Variants in UBIAD1 observed in about 807,000 individuals in gnomAD.
The protein encoded by UBIAD1 is ubiA prenyltransferase domain-containing protein 1.
In UBIAD1, 12 loss-of-function variants were observed where a neutral mutation model predicts 20.1. That is an observed-to-expected ratio of 0.60 (90% CI 0.38 to 0.97). The LOEUF is 0.97. Ranked by LOEUF, UBIAD1 falls within the 50% of genes least tolerant of loss-of-function variation. The pLI is 0.00. For missense variants in UBIAD1, 333 were observed against 419.5 expected, an observed-to-expected ratio of 0.79 and a Z score of 1.80; for synonymous variants, 207 against 189.2, an observed-to-expected ratio of 1.09 and a Z score of -0.77.
At chr1:11,277,597 T>C (rs1216655230) in intron 1 of UBIAD1, among the ~76,000 whole-genome samples, 1 of 151,990 alleles carries the variant, frequency 6.6e-6, no homozygotes, top group African/African-American at 2.4e-5. Context: ...TTTTAAACAA[T>C]TTCAACTGCA....
At position 11,285,312 on chromosome 1, in the gene UBIAD1, A is replaced by C. The variant is rs901961725; in HGVS notation, c.530-332A>C. On this transcript the variant is annotated intron_variant, in intron 1 of 1. Coordinates refer to ENST00000376810, the MANE Select transcript of UBIAD1 (RefSeq NM_013319.3). This position sits in a 1 kb window ranked among gnomAD's most constrained non-coding sequence, Gnocchi z 4.4. Reference sequence around the variant, plus strand: ...AAGAACTGGATTCTAAGACCTTTAGATCCTTCCTGGGCTCTCCCATTGAAC... The same window carrying C: ...AAGAACTGGATTCTAAGACCTTTAGCTCCTTCCTGGGCTCTCCCATTGAAC... 1.3e-4 allele frequency among the ~76,000 whole-genome samples: 20 copies of C among 152,250 alleles called. No individual in the cohort carries two copies. Among genetic ancestry groups the C allele is most frequent in the African/African-American group, 4.8e-4 (20 of 41,548 alleles).
At chr1:11,281,572 A>G (rs975493681) in intron 1 of UBIAD1, among the ~76,000 whole-genome samples, 9 of 152,352 alleles carry the variant, frequency 5.9e-5, no homozygotes, top group Non-Finnish European at 1.0e-4. Flanking sequence ...ATTGACATAT[A>G]ATTGACACAC....
At position 11,286,589 on chromosome 1, in the gene UBIAD1, C is replaced by T. The variant is rs1272286197; in HGVS notation, c.*458C>T. 1 of 240,748 alleles carries T rather than the reference C, an allele frequency of 4.2e-6. No homozygotes were observed. The highest frequency in any genetic ancestry group is 8.2e-6 in the Non-Finnish European group (1 of 122,598). The allele number at this position is 240,748 out of a possible 1,614,324, so 14.9% of individuals were successfully genotyped here. A position where few individuals can be genotyped will look rare whatever the true frequency, so the allele number is the denominator to read the frequency against. The stretch of plus-strand genomic sequence containing the variant: ...GTGCTATGATTGGTGCCAGGCCTCA[C>T]TAACACAGGGGCTACCTGTCTCTTA... On this transcript the variant is annotated 3_prime_UTR_variant, in exon 2 of 2. Transcript: ENST00000376810.
At chr1:11,291,375 A>T (rs966187752), downstream of UBIAD1, among the ~76,000 whole-genome samples, 1 of 152,204 alleles carries the variant, frequency 6.6e-6, no homozygotes, top group South Asian at 2.1e-4. Context: ...TGGGAGGTCA[A>T]GGTGGGTGGA....
rs753952467 is a variant in UBIAD1, at chr1:11,285,866, T to C, written c.752T>C (p.Leu251Pro). The C allele has an allele frequency of 1.2e-6, 2 of 1,614,228 alleles. No homozygotes were observed. Among genetic ancestry groups the C allele is most frequent in the Non-Finnish European group, 1.7e-6 (2 of 1,180,030 alleles). The change falls in exon 2 of 2, where the codon CTC (leucine) becomes CCC (proline). Residue 251 changes from leucine to proline, a missense_variant. Physicochemically the swap from Leu to Pro is moderately conservative, Grantham distance 98. Around this residue, in one of 3 missense-constraint regions of UBIAD1, gnomAD observed 226 missense variants for 263.5 expected, o/e 0.86. Transcript: ENST00000376810. The surrounding 1 kb of genome is among the most constrained non-coding windows in gnomAD (Gnocchi z 4.4). Reference sequence around the variant, plus strand: ...GCTGGTATCGTCACGCTGGCCATCCTCATCGGCCCCACGTTCTCCTACATT... The same window carrying C: ...GCTGGTATCGTCACGCTGGCCATCCCCATCGGCCCCACGTTCTCCTACATT... ...REAGIVTLAI[L>P]IGPTFSYILY...
chr1:11,278,434 A>G (rs1164842037), intron 1 of UBIAD1, among the ~76,000 whole-genome samples: 1 of 152,204 alleles, frequency 6.6e-6, no homozygotes, highest in Non-Finnish European at 1.5e-5. Context: ...TTTTCCTGTT[A>G]CCTGAAAACA....
chr1:11,295,310 C>T (rs1404620857), downstream of UBIAD1: 4 of 199,224 alleles, frequency 2.0e-5, no homozygotes, highest in Non-Finnish European at 1.0e-5. Flanking sequence ...TCAATTCCCC[C>T]AGCTGGAGAA....
chr1:11,296,640 C>CT (rs1638453091), downstream of UBIAD1, among the ~76,000 whole-genome samples: 1 of 152,166 alleles, frequency 6.6e-6, no homozygotes, highest in African/African-American at 2.4e-5. Context: ...CCACCTCAGC[C>CT]TCCAGAGTAG....
chr1:11,296,674 C>G (rs554836685), downstream of UBIAD1, among the ~76,000 whole-genome samples: 1 of 152,254 alleles, frequency 6.6e-6, no homozygotes, highest in African/African-American at 2.4e-5. Flanking sequence ...CTTGCACCAC[C>G]ATGCCCAGCT....
chr1:11,278,468 A>T (rs1652132624), intron 1 of UBIAD1: 1 of 375,538 alleles, frequency 2.7e-6, no homozygotes, highest in Non-Finnish European at 4.6e-6. Flanking sequence ...TATATTAAAT[A>T]TATTCTTACA....
rs1425693692 is a variant in UBIAD1 at position 11,286,264 on chromosome 1, G to C, written c.*133G>C. 9 of 1,198,742 alleles carry C rather than the reference G, an allele frequency of 7.5e-6. No individual in the cohort carries two copies. In the Admixed American group the frequency reaches 2.1e-4, roughly 27 times the overall value. 74.3% of individuals were successfully genotyped at this position (1,198,742 alleles called of 1,614,324 possible). On this transcript the variant is annotated 3_prime_UTR_variant, in exon 2 of 2. Transcript: ENST00000376810. ...TGGGAACTCCTGCCTTATAAAAATT[G>C]TTTTTGTGTTCTTAAAGATAATATG...
chr1:11,291,449 A>G (rs886103600), downstream of UBIAD1, among the ~76,000 whole-genome samples: 1 of 152,052 alleles, frequency 6.6e-6, no homozygotes, highest in East Asian at 1.9e-4. Flanking sequence ...CTCTACAAAA[A>G]TACAAAAATT....
At position 11,286,233 on chromosome 1, in the gene UBIAD1, C is replaced by A; in HGVS notation, c.*102C>A. The stretch of plus-strand genomic sequence containing the variant: ...GTGATTTGGCAGTCAGGGTACTAAG[C>A]ATGGGTGGGAACTCCTGCCTTATAA... On this transcript the variant is annotated 3_prime_UTR_variant, in exon 2 of 2. Coordinates refer to ENST00000376810, the MANE Select transcript of UBIAD1 (RefSeq NM_013319.3). The A allele has an allele frequency of 6.7e-7, 1 of 1,489,366 alleles. No homozygotes were observed. Among genetic ancestry groups the A allele is most frequent in the Non-Finnish European group, 9.3e-7 (1 of 1,076,784 alleles). The allele number at this position is 1,489,366 out of a possible 1,614,324, so 92.3% of individuals were successfully genotyped here.
At chr1:11,290,293 C>T (rs1344670143), downstream of UBIAD1, among the ~76,000 whole-genome samples, 2 of 152,218 alleles carry the variant, frequency 1.3e-5, no homozygotes, top group African/African-American at 2.4e-5. Flanking sequence ...TCTGTGGGGC[C>T]AGAGCCAGGG....
At chr1:11,280,476 C>T (rs941145095) in intron 1 of UBIAD1, among the ~76,000 whole-genome samples, 1 of 152,176 alleles carries the variant, frequency 6.6e-6, no homozygotes, top group Non-Finnish European at 1.5e-5. Flanking sequence ...AGACTCATAT[C>T]CAACTTCTTG....
intron 1 of UBIAD1, chr1:11,278,564 A>G (rs887425724): frequency 4.4e-6 from 5 of 1,140,902 alleles, no homozygotes; most frequent in African/African-American, 3.2e-5. Context: ...AGACATTAAC[A>G]CGAGTAGAAG....
downstream of UBIAD1, among the ~76,000 whole-genome samples, chr1:11,290,755 G>A (rs1009674369): frequency 6.6e-6 from 1 of 152,162 alleles, no homozygotes; most frequent in South Asian, 2.1e-4. Context: ...GAGATGGGTG[G>A]ATCACTTGAG....
chr1:11,274,142 T>C (rs1651905278), intron 1 of UBIAD1, 82 bp downstream of exon 1: 3 of 1,548,738 alleles, frequency 1.9e-6, no homozygotes, highest in South Asian at 2.3e-5. Context: ...GTTATAGGGA[T>C]GTCAAAGGTG....
Position 11,274,079 on chromosome 1 carries a change from T to C in UBIAD1, c.529+19T>C, listed in dbSNP as rs367855846. On this transcript the variant is annotated intron_variant, in intron 1 of 1. Coordinates refer to ENST00000376810, the MANE Select transcript of UBIAD1 (RefSeq NM_013319.3). The stretch of plus-strand genomic sequence containing the variant: ...ACAGGAGGTAAGATTTGGCCTGTCC[T>C]GTGTGCTGCAGGTCTTAGTCGCGTC... 5 of 1,613,898 alleles carry C rather than the reference T, an allele frequency of 3.1e-6. No homozygotes were observed. Among genetic ancestry groups the C allele is most frequent in the African/African-American group, 1.3e-5 (1 of 74,940 alleles).
Sources: gnomAD v4.1 joint callset for allele counts (sites outside exome capture counted in the v4.1 genomes callset) on GRCh38, gnomAD v4.1.1 for gene constraint, gnomAD v4.1.1 regional missense constraint, Gnocchi (gnomAD v3.1) non-coding constraint, MANE v1.5 for transcripts, NCBI Gene and HGNC (gene_info 2026-07-23, HGNC 2026-07-21) for gene names.